Variants in PTPRF observed in about 807,000 individuals in gnomAD.
PTPRF encodes the protein protein tyrosine phosphatase receptor type F.
A neutral mutation model predicts 201.8 loss-of-function variants in PTPRF; 59 were observed. That is an observed-to-expected ratio of 0.29 (90% CI 0.24 to 0.36). The LOEUF (loss-of-function observed/expected upper bound fraction) is 0.36, where lower values mean the gene tolerates loss of function less well. PTPRF is among the 10% of genes least tolerant of loss of function. The pLI is 1.00. For missense variants in PTPRF, 2,132 were observed against 2,690.5 expected, an observed-to-expected ratio of 0.79 and a Z score of 4.59; for synonymous variants, 1,088 against 1,089.7, an observed-to-expected ratio of 1.00 and a Z score of 0.03.
At chr1:43,587,200 G>A (rs1342365986) in intron 7 of PTPRF, among the ~76,000 whole-genome samples, 2 of 152,226 alleles carry the variant, frequency 1.3e-5, no homozygotes, top group Non-Finnish European at 2.9e-5. Flanking sequence ...CCATGCAGGA[G>A]CTTGTTAAAC....
chr1:43,554,066 C>T lies in PTPRF; in HGVS notation c.379+125C>T. 1 of 1,266,632 alleles carries T rather than the reference C, an allele frequency of 7.9e-7. No homozygotes were observed. The highest frequency in any genetic ancestry group is 1.1e-6 in the Non-Finnish European group (1 of 922,970). 78.5% of individuals were successfully genotyped at this position (1,266,632 alleles called of 1,614,324 possible). ...AAAGGAGGACTGGCCACCTCGGGGT[C>T]AGTGAAAGTCAGTGGTGGACAGGGA... On this transcript the variant is annotated intron_variant, in intron 5 of 33. Coordinates refer to ENST00000359947, the MANE Select transcript of PTPRF (RefSeq NM_002840.5). This position sits in a 1 kb window ranked among gnomAD's most constrained non-coding sequence, Gnocchi z 4.1.
At chr1:43,557,839 T>C (rs1384856176) in intron 5 of PTPRF, among the ~76,000 whole-genome samples, 1 of 152,064 alleles carries the variant, frequency 6.6e-6, no homozygotes, top group Non-Finnish European at 1.5e-5. Context: ...TTCTGAAACA[T>C]AGCACCAGGA....
At position 43,603,824 on chromosome 1, in the gene PTPRF, G is replaced by C; in HGVS notation, c.2672G>C (p.Arg891Pro). ...CACAAGGGGACCACCTACATCTTCC[G>C]GCTTGCTGCCAAGAACCGGGCTGGC... ...GLHKGTTYIF[R>P]LAAKNRAGLG... Residue 891 changes from arginine to proline, a missense_variant, in exon 16 of 34, where the codon CGG (arginine) becomes CCG (proline). This residue lies in a region of PTPRF where 818 missense variants were observed against 915.3 expected (regional missense o/e 0.89). Coordinates refer to ENST00000359947, the MANE Select transcript of PTPRF (RefSeq NM_002840.5). The surrounding 1 kb of genome is among the most constrained non-coding windows in gnomAD (Gnocchi z 5.8). 6.2e-7 allele frequency: 1 copy of C among 1,614,128 alleles called. No homozygotes were observed. The highest frequency in any genetic ancestry group is 8.5e-7 in the Non-Finnish European group (1 of 1,180,032).
Position 43,620,825 on chromosome 1 carries a change from C to A in PTPRF, c.5365-13C>A, listed in dbSNP as rs779570929. On this transcript the variant is annotated splice_polypyrimidine_tract_variant and intron_variant, in intron 31 of 33. Coordinates refer to ENST00000359947, the MANE Select transcript of PTPRF (RefSeq NM_002840.5). ...CACGAATTCTAATCATGTACCCCACCCACCTTTCCCAGGATGGGCAGTCAA... is the reference window on the plus strand; with the variant it reads ...CACGAATTCTAATCATGTACCCCACACACCTTTCCCAGGATGGGCAGTCAA... 4.4e-6 allele frequency: 7 copies of A among 1,606,006 alleles called. No homozygotes were observed. The highest frequency in any genetic ancestry group is 6.0e-6 in the Non-Finnish European group (7 of 1,175,588).
chr1:43,586,652 A>G (rs1243219151), intron 7 of PTPRF, among the ~76,000 whole-genome samples: 1 of 152,244 alleles, frequency 6.6e-6, no homozygotes. Flanking sequence ...TGAAAAGTGT[A>G]GTAGATTTGG....
At chr1:43,550,964 A>C (rs998979620) in intron 3 of PTPRF, among the ~76,000 whole-genome samples, 1 of 152,192 alleles carries the variant, frequency 6.6e-6, no homozygotes, top group African/African-American at 2.4e-5. Context: ...AGAGGAGCCA[A>C]AGCTGGGGCT....
At chr1:43,559,739 C>CTGTG (rs137874262) in intron 5 of PTPRF, among the ~76,000 whole-genome samples, 11 of 124,570 alleles carry the variant, frequency 8.8e-5, no homozygotes, top group Admixed American at 5.5e-4. Flanking sequence ...GTATCAGGCT[C>CTGTG]TGTGTGTGTG....
At chr1:43,531,308 C>T (rs1334150223) in intron 1 of PTPRF, among the ~76,000 whole-genome samples, 1 of 148,738 alleles carries the variant, frequency 6.7e-6, no homozygotes, top group South Asian at 2.1e-4. Flanking sequence ...GCTCACCCCG[C>T]GGCAGACGCG....
chr1:43,586,836 G>A (rs1264590934), intron 7 of PTPRF, among the ~76,000 whole-genome samples: 1 of 152,228 alleles, frequency 6.6e-6, no homozygotes, highest in African/African-American at 2.4e-5. Context: ...GAGAGAGAAG[G>A]TCGCTTTTCT....
intron 20 of PTPRF, 145 bp downstream of exon 20, chr1:43,606,603 T>C: frequency 9.1e-7 from 1 of 1,093,358 alleles, no homozygotes; most frequent in Non-Finnish European, 1.3e-6. Flanking sequence ...ACCCAAGATC[T>C]GTCCCGGGGA....
Position 43,604,931 on chromosome 1 carries a change from T to C in PTPRF, c.3066T>C (p.Ala1022=), listed in dbSNP as rs1654693684. 4 of 1,614,174 alleles carry C rather than the reference T, an allele frequency of 2.5e-6. No individual in the cohort carries two copies. The East Asian group carries it at 8.9e-5, about 36-fold the overall frequency. The change falls in exon 17 of 34, where the codon GCT becomes GCC. Residue 1022 remains alanine (A), a synonymous_variant. Transcript: ENST00000359947. ...QVFAKNFRVA[A]AMKTSVLLSW... is the part of the protein sequence containing the mutation. ...TTGCCAAGAACTTCCGGGTGGCGGC[T>C]GCAATGAAGACGTCTGTGCTGCTCA... is the stretch of plus-strand genomic sequence containing the variant.
At chr1:43,611,321 T>C (rs1030336832) in intron 22 of PTPRF, among the ~76,000 whole-genome samples, 2 of 152,184 alleles carry the variant, frequency 1.3e-5, no homozygotes, top group African/African-American at 2.4e-5. Context: ...GGGGATGGGA[T>C]GCTGAGCCAT....
chr1:43,613,688 T>C lies in PTPRF; in HGVS notation c.4044T>C (p.Asp1348=), dbSNP rs1173332380. 5 of 1,614,092 alleles carry C rather than the reference T, an allele frequency of 3.1e-6. No individual in the cohort carries two copies. In the South Asian group the frequency reaches 5.5e-5, roughly 18 times the overall value. The change falls in exon 23 of 34, where the codon GAT becomes GAC. Residue 1348 remains aspartate (D), a synonymous_variant. Coordinates refer to ENST00000359947, the MANE Select transcript of PTPRF (RefSeq NM_002840.5). ...ADNIERLKAN[D]GLKFSQEYES... Reference sequence around the variant, plus strand: ...ACATCGAGCGCCTCAAAGCCAACGATGGCCTCAAGTTCTCCCAGGAGTATG... The same window carrying C: ...ACATCGAGCGCCTCAAAGCCAACGACGGCCTCAAGTTCTCCCAGGAGTATG...
At chr1:43,590,903 C>T (rs1650508639) in intron 8 of PTPRF, 69 bp from the exon 9 acceptor site, 1 of 1,391,996 alleles carries the variant, frequency 7.2e-7, no homozygotes, top group Non-Finnish European at 9.8e-7. Flanking sequence ...CTGGATAATC[C>T]CCAAGTCTAG....
At position 43,588,566 on chromosome 1, in the gene PTPRF, G is replaced by A. The variant is rs1649777388; in HGVS notation, c.680-165G>A. On this transcript the variant is annotated intron_variant, in intron 7 of 33. Transcript: ENST00000359947. The surrounding 1 kb of genome is among the most constrained non-coding windows in gnomAD (Gnocchi z 5.3). ...GCCACTTCTAGGCTGGAAGTGGGTG[G>A]GGTGGGAGTGGATGATGAGCTGGGG... 6.6e-6 allele frequency among the ~76,000 whole-genome samples: 1 copy of A among 152,178 alleles called. No individual in the cohort carries two copies. Among genetic ancestry groups the A allele is most frequent in the Non-Finnish European group, 1.5e-5 (1 of 68,024 alleles).
Position 43,588,631 on chromosome 1 carries a change from G to C in PTPRF, c.680-100G>C. 1 of 1,470,774 alleles carries C rather than the reference G, an allele frequency of 6.8e-7. No individual in the cohort carries two copies. The highest frequency in any genetic ancestry group is 1.3e-5 in the South Asian group (1 of 76,718). 91.1% of individuals were successfully genotyped at this position (1,470,774 alleles called of 1,614,324 possible). A position where few individuals can be genotyped will look rare whatever the true frequency, so the allele number is the denominator to read the frequency against. ...CCCTCCTGTCTCTGAGCATGGGTTT[G>C]GCTCTGACCAGAGGGGCTTCCTGAA... On this transcript the variant is annotated intron_variant, in intron 7 of 33. Transcript: ENST00000359947. This position sits in a 1 kb window ranked among gnomAD's most constrained non-coding sequence, Gnocchi z 5.3.
At chr1:43,585,672 C>T (rs975545212) in intron 7 of PTPRF, among the ~76,000 whole-genome samples, 4 of 152,198 alleles carry the variant, frequency 2.6e-5, no homozygotes, top group African/African-American at 4.8e-5. Context: ...GAAGACGTGG[C>T]TCAGGGCGTT....
At chr1:43,549,922 G>C (rs746180095) in intron 3 of PTPRF, among the ~76,000 whole-genome samples, 19 of 152,246 alleles carry the variant, frequency 1.2e-4, no homozygotes, top group Middle Eastern at 3.4e-3. Context: ...ACATTTCAGA[G>C]GGGAACGGAG....
At chr1:43,602,160 T>A in intron 14 of PTPRF, 63 bp downstream of exon 14, 3 of 1,537,592 alleles carry the variant, frequency 2.0e-6, no homozygotes, top group Non-Finnish European at 1.8e-6. Flanking sequence ...GGGACGCTCC[T>A]CCTCTCCCTC....
Sources: gnomAD v4.1 joint callset for allele counts (sites outside exome capture counted in the v4.1 genomes callset) on GRCh38, gnomAD v4.1.1 for gene constraint, gnomAD v4.1.1 regional missense constraint, Gnocchi (gnomAD v3.1) non-coding constraint, MANE v1.5 for transcripts, NCBI Gene and HGNC (gene_info 2026-07-23, HGNC 2026-07-21) for gene names.